The following ITPR2 variants were observed in gnomAD, a reference collection of about 807,000 sequenced individuals.
The protein encoded by ITPR2 is inositol 1,4,5-trisphosphate-gated calcium channel ITPR2.
A neutral mutation model predicts 317.1 loss-of-function variants in ITPR2; 207 were observed. The observed-to-expected ratio is 0.65, with a 90% CI of 0.58 to 0.73. The LOEUF (loss-of-function observed/expected upper bound fraction) is 0.73, where lower values mean the gene tolerates loss of function less well. Ranked by LOEUF, ITPR2 falls within the 30% of genes least tolerant of loss-of-function variation. The pLI is 0.00. For missense variants in ITPR2, 2,613 were observed against 3,284.0 expected (o/e 0.80, Z 4.99); for synonymous variants, 1,156 against 1,149.1 (o/e 1.01, Z -0.12).
chr12:26,393,680 T>A (rs184407738), intron 54 of ITPR2, among the ~76,000 whole-genome samples: 1 of 152,252 alleles, frequency 6.6e-6, no homozygotes, highest in Non-Finnish European at 1.5e-5. Context: ...ATTACTTAAG[T>A]GTTTCCTCAG....
chr12:26,568,610 G>T (rs532582090), intron 34 of ITPR2, among the ~76,000 whole-genome samples: 4 of 152,208 alleles, frequency 2.6e-5, no homozygotes, highest in Non-Finnish European at 5.9e-5. Flanking sequence ...AAATCTCTGA[G>T]AATACAAACA....
At chr12:26,421,798 C>T (rs1278580360) in intron 49 of ITPR2, among the ~76,000 whole-genome samples, 2 of 152,184 alleles carry the variant, frequency 1.3e-5, no homozygotes, top group African/African-American at 4.8e-5. Flanking sequence ...AGGACCATAA[C>T]TGTCCTATAT....
At chr12:26,613,589 C>T (rs1458262928) in intron 26 of ITPR2, among the ~76,000 whole-genome samples, 3 of 147,878 alleles carry the variant, frequency 2.0e-5, no homozygotes, top group Non-Finnish European at 3.0e-5. Flanking sequence ...CACACACACA[C>T]GGCAAAAAGG....
intron 45 of ITPR2, among the ~76,000 whole-genome samples, chr12:26,466,036 A>G (rs1488832126): frequency 1.3e-5 from 2 of 152,222 alleles, no homozygotes; most frequent in South Asian, 2.1e-4. Flanking sequence ...TCATGTTTAC[A>G]AAAGTTTTTT....
intron 37 of ITPR2, among the ~76,000 whole-genome samples, chr12:26,536,932 A>G (rs1944110417): frequency 6.6e-6 from 1 of 152,216 alleles, no homozygotes; most frequent in African/African-American, 2.4e-5. Context: ...TGAAATAACA[A>G]TGGGAAACCA....
At chr12:26,667,109 C>T (rs926410227) in intron 13 of ITPR2, among the ~76,000 whole-genome samples, 1 of 152,164 alleles carries the variant, frequency 6.6e-6, no homozygotes, top group Non-Finnish European at 1.5e-5. Context: ...CTGTTATTAG[C>T]ATGTGAATAC....
intron 55 of ITPR2, among the ~76,000 whole-genome samples, chr12:26,374,984 A>G (rs554619423): frequency 4.9e-4 from 75 of 152,362 alleles, no homozygotes; most frequent in Admixed American, 1.8e-3. Flanking sequence ...TGCCATCTTA[A>G]CTAATTACTT....
intron 9 of ITPR2, among the ~76,000 whole-genome samples, chr12:26,703,843 A>G (rs1473662002): frequency 1.3e-5 from 2 of 152,232 alleles, no homozygotes; most frequent in East Asian, 1.9e-4. Flanking sequence ...GCATCCAGCA[A>G]TGAGCAAAAC....
At chr12:26,712,600 C>T (rs1420248960) in intron 8 of ITPR2, among the ~76,000 whole-genome samples, 2 of 149,450 alleles carry the variant, frequency 1.3e-5, no homozygotes, top group African/African-American at 2.5e-5. Context: ...GAGATATCTG[C>T]GAGAATGTGA....
intron 39 of ITPR2, 140 bp from the exon 40 acceptor site, chr12:26,487,391 T>C: frequency 1.7e-6 from 1 of 599,132 alleles, no homozygotes; most frequent in East Asian, 2.8e-5. Context: ...TTGACAGCCT[T>C]TGCCAGTTTC....
chr12:26,694,959 T>A (rs1948311477), intron 10 of ITPR2, among the ~76,000 whole-genome samples: 1 of 152,174 alleles, frequency 6.6e-6, no homozygotes, highest in Non-Finnish European at 1.5e-5. Context: ...CTGATTGGTT[T>A]CACCTCCCCC....
At chr12:26,802,211 A>C (rs1347811240) in intron 1 of ITPR2, among the ~76,000 whole-genome samples, 2 of 152,090 alleles carry the variant, frequency 1.3e-5, no homozygotes, top group African/African-American at 2.4e-5. Flanking sequence ...AGGAGGGAGG[A>C]TCAGTTGAGC....
chr12:26,728,138 G>T (rs1948964701), intron 2 of ITPR2, among the ~76,000 whole-genome samples: 2 of 152,168 alleles, frequency 1.3e-5, no homozygotes, highest in Admixed American at 6.5e-5. Context: ...AGCTCTTAGG[G>T]CATGTGAAAG....
intron 37 of ITPR2, among the ~76,000 whole-genome samples, chr12:26,536,280 T>G (rs1944087345): frequency 6.6e-6 from 1 of 152,252 alleles, no homozygotes; most frequent in Non-Finnish European, 1.5e-5. Flanking sequence ...TATTCTGGCC[T>G]GCCTGCCATC....
chr12:26,409,689 C>A (rs1237023065), intron 52 of ITPR2, among the ~76,000 whole-genome samples: 1 of 152,012 alleles, frequency 6.6e-6, no homozygotes, highest in Non-Finnish European at 1.5e-5. Context: ...AGTTTGCCAC[C>A]CTCTGTTCAA....
At chr12:26,465,450 C>T (rs1338564808) in intron 45 of ITPR2, among the ~76,000 whole-genome samples, 1 of 152,116 alleles carries the variant, frequency 6.6e-6, no homozygotes, top group African/African-American at 2.4e-5. Context: ...CAATTATATA[C>T]AATCTTTTGA....
rs1380114948 is a variant in ITPR2, at chr12:26,622,308, A to G, written c.3220T>C (p.Ser1074Pro). ...LIMHDYPPLLSGALQLLFKHF... is the reference protein window; with the variant it reads ...LIMHDYPPLLPGALQLLFKHF... ...TTAAACAACAGCTGCAGGGCTCCAGACAGCAAAGGCGGGTAGTCGTGCATG... is the reference window on the plus strand; with the variant it reads ...TTAAACAACAGCTGCAGGGCTCCAGGCAGCAAAGGCGGGTAGTCGTGCATG... Residue 1074 changes from serine to proline, a missense_variant, in exon 25 of 57, where the codon TCT (serine) becomes CCT (proline). Ser to Pro is a moderately conservative substitution (Grantham distance 74, BLOSUM62 -1). Coordinates refer to ENST00000381340, the MANE Select transcript of ITPR2 (RefSeq NM_002223.4). 2 of 1,614,068 alleles carry G rather than the reference A, an allele frequency of 1.2e-6. No individual in the cohort carries two copies. Among genetic ancestry groups the G allele is most frequent in the South Asian group, 2.2e-5 (2 of 91,070 alleles).
At chr12:26,432,813 T>C (rs898395203) in intron 48 of ITPR2, among the ~76,000 whole-genome samples, 2 of 152,196 alleles carry the variant, frequency 1.3e-5, no homozygotes, top group African/African-American at 2.4e-5. Flanking sequence ...TCTGGAGACC[T>C]TTCAAGTTGG....
chr12:26,582,621 GA>G (rs1295616742), intron 32 of ITPR2, among the ~76,000 whole-genome samples: 2 of 151,836 alleles, frequency 1.3e-5, no homozygotes, highest in African/African-American at 2.4e-5. Flanking sequence ...TTTATGATGT[GA>G]TTTTTTTTTG....
Sources: allele counts gnomAD v4.1 joint callset (sites outside exome capture counted in the v4.1 genomes callset), GRCh38; gene constraint gnomAD v4.1.1; transcripts MANE v1.5; gene names NCBI Gene and HGNC (gene_info 2026-07-23, HGNC 2026-07-21).